The following MED12L variants were observed in gnomAD, a reference collection of about 807,000 sequenced individuals.
MED12L encodes the protein mediator of RNA polymerase II transcription subunit 12-like protein.
MED12L carries 60 observed loss-of-function variants against 281.3 expected under a neutral mutation model. That is an observed-to-expected ratio of 0.21 (90% CI 0.17 to 0.26). The LOEUF (loss-of-function observed/expected upper bound fraction) is 0.26. Among genes scored for constraint, MED12L ranks in the 10% least tolerant of loss-of-function variants. The pLI is 1.00. For synonymous variants in MED12L, 974 were observed against 987.2 expected (o/e 0.99, Z 0.25); for missense variants, 2,146 against 2,680.9 (o/e 0.80, Z 4.41).
In MED12L at chr3:151,434,622, AAAGT is replaced by A. The variant is rs1719891086; in HGVS notation, c.*1821_*1824del. The A allele has an allele frequency of 6.6e-6, 1 of 152,300 alleles. No homozygotes were observed. Among genetic ancestry groups the A allele is most frequent in the South Asian group, 2.1e-4 (1 of 4,830 alleles). The allele number at this position is 152,300 out of a possible 1,614,324, so 9.4% of individuals were successfully genotyped here. A position where few individuals can be genotyped will look rare whatever the true frequency, so the allele number is the denominator to read the frequency against. On this transcript the variant is annotated 3_prime_UTR_variant, in exon 45 of 45. Coordinates refer to ENST00000687756, the MANE Select transcript of MED12L (RefSeq NM_001393769.1). Reference sequence around the variant, plus strand: ...ATAAGCTAATGAAGTTGTTTTCTTCAAAGTAATATATCTATATAATGACTGCATT... The same window carrying A: ...ATAAGCTAATGAAGTTGTTTTCTTCAAATATATCTATATAATGACTGCATT...
intron 16 of MED12L, among the ~76,000 whole-genome samples, chr3:151,301,442 AAGAG>A (rs145814390): frequency 2.0e-5 from 3 of 151,942 alleles, no homozygotes; most frequent in African/African-American, 4.8e-5. Flanking sequence ...CAGTTGCAGT[AAGAG>A]AGAGAGAGCA....
At chr3:151,292,822 A>T (rs1000583901) in intron 16 of MED12L, among the ~76,000 whole-genome samples, 5 of 152,128 alleles carry the variant, frequency 3.3e-5, no homozygotes, top group Admixed American at 2.0e-4. Flanking sequence ...GGAAGCTGTA[A>T]TTTACCTGTG....
At chr3:151,290,315 G>A (rs928244224) in intron 16 of MED12L, among the ~76,000 whole-genome samples, 6 of 144,260 alleles carry the variant, frequency 4.2e-5, no homozygotes, top group Non-Finnish European at 9.0e-5. Flanking sequence ...AAAAAGAGAT[G>A]TGTGTCTCTA....
intron 16 of MED12L, among the ~76,000 whole-genome samples, chr3:151,234,404 T>G (rs563121992): frequency 6.6e-6 from 1 of 152,228 alleles, no homozygotes; most frequent in African/African-American, 2.4e-5. Context: ...GAGCTGAGAT[T>G]TGAATCGAGG....
At chr3:151,380,733 A>G (rs1251821857) in intron 32 of MED12L, among the ~76,000 whole-genome samples, 1 of 152,230 alleles carries the variant, frequency 6.6e-6, no homozygotes, top group Admixed American at 6.5e-5. Flanking sequence ...TGAGATATAT[A>G]CAATAAATGT....
chr3:151,331,895 A>G (rs551544184), intron 16 of MED12L, among the ~76,000 whole-genome samples: 1 of 152,218 alleles, frequency 6.6e-6, no homozygotes, highest in Non-Finnish European at 1.5e-5. Context: ...CCGTAAAGTC[A>G]CACAGTTGGT....
At chr3:151,242,667 A>G (rs28888534) in intron 16 of MED12L, among the ~76,000 whole-genome samples, 45,999 of 152,134 alleles carry the variant, frequency 0.3, 7,078 homozygotes, top group Non-Finnish European at 0.32. Context: ...AAGATGGGGA[A>G]AAAACAGAAC....
At chr3:151,409,156 G>C in intron 39 of MED12L, 87 bp from the exon 40 acceptor site, 2 of 936,562 alleles carry the variant, frequency 2.1e-6, no homozygotes, top group East Asian at 2.4e-5. Flanking sequence ...AATGAGATTA[G>C]ATGTGGGTTA....
At chr3:151,278,990 G>A (rs1031547941) in intron 16 of MED12L, among the ~76,000 whole-genome samples, 7 of 152,188 alleles carry the variant, frequency 4.6e-5, no homozygotes, top group African/African-American at 1.2e-4. Flanking sequence ...TTTGTGCTGT[G>A]TTACTATTTT....
chr3:151,212,734 A>G lies in MED12L; in HGVS notation c.2250+19068A>G, dbSNP rs1477813458. ...AATATTCCTCTTCCTTTGCAGTGCC[A>G]TGAAATACATCAATAAGGGGTTTCT... On this transcript the variant is annotated intron_variant, in intron 16 of 44. Transcript: ENST00000687756. 4 of 152,096 alleles carry G rather than the reference A, an allele frequency of 2.6e-5. No homozygotes were observed. The South Asian group carries it at 6.2e-4, about 24-fold the overall frequency. The allele number at this position is 152,096 out of a possible 1,614,324, so 9.4% of individuals were successfully genotyped here. A position where few individuals can be genotyped will look rare whatever the true frequency, so the allele number is the denominator to read the frequency against.
intron 26 of MED12L, among the ~76,000 whole-genome samples, chr3:151,372,249 G>T (rs188814735): frequency 1.3e-3 from 195 of 152,298 alleles, no homozygotes; most frequent in Non-Finnish European, 2.3e-3. Context: ...ATTCATGCTT[G>T]AAATATTGGT....
intron 11 of MED12L, among the ~76,000 whole-genome samples, chr3:151,174,738 G>C (rs1317898320): frequency 6.6e-6 from 1 of 152,088 alleles, no homozygotes; most frequent in Non-Finnish European, 1.5e-5. Context: ...TCTTGTAAGA[G>C]ACAGGGTCTT....
At chr3:151,374,316 G>A (rs1756556469) in intron 27 of MED12L, among the ~76,000 whole-genome samples, 1 of 152,196 alleles carries the variant, frequency 6.6e-6, no homozygotes, top group Non-Finnish European at 1.5e-5. Flanking sequence ...GGGAGGCTGA[G>A]GCAGGTGGAT....
In MED12L at chr3:151,160,064, A is replaced by G; in HGVS notation, c.1070A>G (p.His357Arg). 1.2e-6 allele frequency: 2 copies of G among 1,613,240 alleles called. No individual in the cohort carries two copies. Among genetic ancestry groups the G allele is most frequent in the Non-Finnish European group, 8.5e-7 (1 of 1,179,390 alleles). Residue 357 changes from histidine to arginine, a missense_variant, in exon 8 of 45, where the codon CAT becomes CGT. His to Arg is a conservative substitution (Grantham distance 29). Transcript: ENST00000687756. ...AFSDFLSCAQ[H>R]GPLVYGLSCM... Reference sequence around the variant, plus strand: ...TCAGATTTTCTTTCCTGTGCACAGCATGGTCCCCTGGTTTATGGACTTAGT... The same window carrying G: ...TCAGATTTTCTTTCCTGTGCACAGCGTGGTCCCCTGGTTTATGGACTTAGT...
chr3:151,136,077 G>A (rs182599953), intron 5 of MED12L, among the ~76,000 whole-genome samples: 162 of 152,286 alleles, frequency 1.1e-3, no homozygotes, highest in Non-Finnish European at 1.5e-3. Flanking sequence ...GTTTTGTGGG[G>A]ATTTGAGTCA....
chr3:151,286,465 G>A (rs550374301), intron 16 of MED12L, among the ~76,000 whole-genome samples: 1 of 152,234 alleles, frequency 6.6e-6, no homozygotes, highest in African/African-American at 2.4e-5. Flanking sequence ...CAAGCAATAG[G>A]CACTAACTCA....
chr3:151,114,222 A>G (rs1243677483), intron 2 of MED12L, among the ~76,000 whole-genome samples: 1 of 152,188 alleles, frequency 6.6e-6, no homozygotes, highest in Non-Finnish European at 1.5e-5. Context: ...ATCTTCTGAT[A>G]ATGTACACGT....
At chr3:151,145,457 C>T (rs1717632540) in intron 5 of MED12L, among the ~76,000 whole-genome samples, 1 of 152,124 alleles carries the variant, frequency 6.6e-6, no homozygotes, top group Non-Finnish European at 1.5e-5. Flanking sequence ...ACTTGCATAT[C>T]CACCTGCTCC....
intron 5 of MED12L, among the ~76,000 whole-genome samples, chr3:151,141,167 TTTTTTTTTTTGTTTTTTTTG>T (rs1716888714): frequency 1.7e-5 from 2 of 117,798 alleles, no homozygotes; most frequent in African/African-American, 8.1e-5. Flanking sequence ...GTGCCTGGCG[TTTTTTTTTTTGTTTTTTTTG>T]TTTTTTTTTT....
Sources: allele counts gnomAD v4.1 joint callset (sites outside exome capture counted in the v4.1 genomes callset), GRCh38; gene constraint gnomAD v4.1.1; transcripts MANE v1.5; gene names NCBI Gene and HGNC (gene_info 2026-07-23, HGNC 2026-07-21).